The following PALD1 variants were observed in gnomAD, a reference collection of about 807,000 sequenced individuals.
The protein encoded by PALD1 is phosphatase domain containing paladin 1.
Under a neutral mutation model 96.0 loss-of-function variants are expected in PALD1, and 57 were observed. The observed-to-expected ratio is 0.59, with a 90% CI of 0.48 to 0.74. The LOEUF (loss-of-function observed/expected upper bound fraction) is 0.74. Among genes scored for constraint, PALD1 ranks in the 30% least tolerant of loss-of-function variants. The probability of loss-of-function intolerance (pLI) is 0.00; values close to 1 mark genes in which losing one functional copy is unlikely to be tolerated. For synonymous variants in PALD1, 464 were observed against 473.6 expected (o/e 0.98, Z 0.26); for missense variants, 1,063 against 1,143.7 (o/e 0.93, Z 1.02).
intron 1 of PALD1, among the ~76,000 whole-genome samples, chr10:70,516,719 AT>A (rs1170345965): frequency 6.7e-6 from 1 of 149,654 alleles, no homozygotes; most frequent in East Asian, 2.0e-4. Flanking sequence ...ACACCTGGCC[AT>A]TTTTTTTTCT....
At chr10:70,469,371 G>T in the PALD1 span, among the ~76,000 whole-genome samples, 3,441 of 152,266 alleles carry the variant, frequency 0.023, 101 homozygotes, top group African/African-American at 0.068. Context: ...ACACAGGCAG[G>T]CTGGGGAACA....
chr10:70,563,898 G>A (rs1224126286), intron 18 of PALD1, among the ~76,000 whole-genome samples: 1 of 152,202 alleles, frequency 6.6e-6, no homozygotes, highest in Admixed American at 6.5e-5. Flanking sequence ...TACCCTCGCC[G>A]AGGGAGGCCT....
intron 18 of PALD1, among the ~76,000 whole-genome samples, chr10:70,560,506 C>T (rs1337641154): frequency 6.6e-6 from 1 of 152,164 alleles, no homozygotes; most frequent in African/African-American, 2.4e-5. Context: ...GCCTCCTTCA[C>T]TGGGTTGCTA....
the PALD1 span, among the ~76,000 whole-genome samples, chr10:70,473,145 C>T: frequency 9.2e-5 from 14 of 152,318 alleles, no homozygotes; most frequent in South Asian, 2.9e-3. Context: ...GCACCCACGT[C>T]TCCCCACCCC....
At chr10:70,527,556 G>A (rs991214708) in intron 2 of PALD1, among the ~76,000 whole-genome samples, 17 of 152,198 alleles carry the variant, frequency 1.1e-4, no homozygotes, top group African/African-American at 3.1e-4. Flanking sequence ...TGCAACAGGC[G>A]CTGTATGGCC....
Position 70,538,340 on chromosome 10 carries a change from C to G in PALD1, c.1384C>G (p.Arg462Gly). 6.2e-7 allele frequency: 1 copy of G among 1,608,846 alleles called. No homozygotes were observed. Among genetic ancestry groups the G allele is most frequent in the Non-Finnish European group, 8.5e-7 (1 of 1,179,874 alleles). Reference sequence around the variant, plus strand: ...GCTGTGTGCCCACCCTGAGCTGTACCGCCTGCCCGTGACGCTGAGCTCAGC... The same window carrying G: ...GCTGTGTGCCCACCCTGAGCTGTACGGCCTGCCCGTGACGCTGAGCTCAGC... Reference protein sequence around the residue: ...RWLCAHPELYRLPVTLSSAGP... With the variant: ...RWLCAHPELYGLPVTLSSAGP... Residue 462 changes from arginine to glycine, a missense_variant, in exon 12 of 20, where the codon CGC becomes GGC. Transcript: ENST00000263563.
At chr10:70,492,795 A>C (rs1409282141) in intron 1 of PALD1, among the ~76,000 whole-genome samples, 1 of 152,156 alleles carries the variant, frequency 6.6e-6, no homozygotes, top group African/African-American at 2.4e-5. Context: ...GTTTGTCAGA[A>C]TGTAACCCCA....
chr10:70,543,031 C>T (rs943974495), intron 17 of PALD1, among the ~76,000 whole-genome samples: 36 of 151,378 alleles, frequency 2.4e-4, no homozygotes, highest in African/African-American at 8.3e-4. Flanking sequence ...CCTCGGCCTC[C>T]CAAAGTGCTG....
At chr10:70,531,597 C>A in intron 5 of PALD1, 143 bp downstream of exon 5, 1 of 739,224 alleles carries the variant, frequency 1.4e-6, no homozygotes, top group Non-Finnish European at 2.1e-6. Flanking sequence ...GGCTGCAAGG[C>A]TGACTCACGG....
intron 18 of PALD1, among the ~76,000 whole-genome samples, chr10:70,549,449 T>G (rs985566232): frequency 2.0e-5 from 3 of 152,232 alleles, no homozygotes; most frequent in African/African-American, 7.2e-5. Context: ...CTCTGAGCTC[T>G]GCAGCCCTCG....
chr10:70,566,703 C>A lies in PALD1; in HGVS notation c.2541C>A (p.Leu847=). The A allele has an allele frequency of 6.2e-7, 1 of 1,604,722 alleles. No individual in the cohort carries two copies. The highest frequency in any genetic ancestry group is 8.5e-7 in the Non-Finnish European group (1 of 1,177,158). Residue 847 remains leucine, a synonymous_variant, in exon 20 of 20, where the codon CTC becomes CTA. Transcript: ENST00000263563. The part of the protein sequence containing the change: ...RYRWQEQSCS[L]EPSAPEDLL ...GGTGGCAGGAGCAGAGCTGCAGCCTCGAGCCCTCTGCCCCCGAGGACTTGC... is the reference window on the plus strand; with the variant it reads ...GGTGGCAGGAGCAGAGCTGCAGCCTAGAGCCCTCTGCCCCCGAGGACTTGC...
chr10:70,538,195 G>C, intron 11 of PALD1, 85 bp from the exon 12 acceptor site: 1 of 1,441,384 alleles, frequency 6.9e-7, no homozygotes, highest in East Asian at 2.3e-5. Context: ...TATCTTTTGG[G>C]GCTTCCCCTG....
At chr10:70,461,778 A>AT in the PALD1 span, among the ~76,000 whole-genome samples, 1 of 151,794 alleles carries the variant, frequency 6.6e-6, no homozygotes, top group Non-Finnish European at 1.5e-5. Flanking sequence ...TGGCATTGTG[A>AT]TTTTTTTGTT....
chr10:70,534,534 G>A lies in PALD1; in HGVS notation c.1122+10G>A. 1 of 1,589,344 alleles carries A rather than the reference G, an allele frequency of 6.3e-7. No homozygotes were observed. The highest frequency in any genetic ancestry group is 8.6e-7 in the Non-Finnish European group (1 of 1,160,002). On this transcript the variant is annotated intron_variant, in intron 9 of 19. Transcript: ENST00000263563. ...GAGGATGGTGGAAGAGGTGAGTGAG[G>A]GACAGCAAAGGGCTGGGGCAGGGGT...
chr10:70,534,848 G>A lies in PALD1; in HGVS notation c.1227+5G>A. On this transcript the variant is annotated splice_donor_5th_base_variant and intron_variant, in intron 10 of 19. Coordinates refer to ENST00000263563, the MANE Select transcript of PALD1 (RefSeq NM_014431.3). ...CGACCGGAGAGCCCAGCCCAGGTGA[G>A]GCATGGAAGGACGTGTGAGCACTCT... The A allele has an allele frequency of 6.3e-7, 1 of 1,586,664 alleles. No homozygotes were observed. The highest frequency in any genetic ancestry group is 1.1e-5 in the South Asian group (1 of 89,420).
At chr10:70,557,410 C>A (rs113146712) in intron 18 of PALD1, among the ~76,000 whole-genome samples, 98 of 152,310 alleles carry the variant, frequency 6.4e-4, no homozygotes, top group Non-Finnish European at 1.1e-3. Flanking sequence ...TGTGCCTGGC[C>A]TAGAGGTGCT....
At chr10:70,493,148 C>T (rs1167982083) in intron 1 of PALD1, among the ~76,000 whole-genome samples, 2 of 152,190 alleles carry the variant, frequency 1.3e-5, no homozygotes, top group East Asian at 3.9e-4. Context: ...GAATCAGGGC[C>T]TTGCTGTGTT....
intron 18 of PALD1, among the ~76,000 whole-genome samples, chr10:70,563,150 CCTCATGTTT>C (rs1847775722): frequency 1.3e-5 from 2 of 152,288 alleles, no homozygotes; most frequent in Admixed American, 1.3e-4. Context: ...TTTTAAAGTT[CCTCATGTTT>C]CTCATGGACA....
chr10:70,515,887 G>A (rs752609144), intron 1 of PALD1, among the ~76,000 whole-genome samples: 5 of 152,162 alleles, frequency 3.3e-5, no homozygotes, highest in Non-Finnish European at 5.9e-5. Context: ...CAGGGGTCAG[G>A]ATGTGAAGAG....
Sources: allele counts gnomAD v4.1 joint callset (sites outside exome capture counted in the v4.1 genomes callset), GRCh38; gene constraint gnomAD v4.1.1; transcripts MANE v1.5; gene names NCBI Gene and HGNC (gene_info 2026-07-23, HGNC 2026-07-21).